RARB: variants seen among roughly 807,000 people sequenced by gnomAD.
RARB encodes the protein retinoic acid receptor beta, also known as HBV-activated protein.
Under a neutral mutation model 51.9 loss-of-function variants are expected in RARB, and 17 were observed. The observed-to-expected ratio is 0.33, with a 90% CI of 0.22 to 0.49. The LOEUF is 0.49. Ranked by LOEUF, RARB falls within the 20% of genes least tolerant of loss-of-function variation. The pLI, the probability that RARB is intolerant of heterozygous loss-of-function variation, is 0.99. For synonymous variants in RARB, 215 were observed against 195.4 expected, an observed-to-expected ratio of 1.10 and a Z score of -0.84; for missense variants, 369 against 550.8, an observed-to-expected ratio of 0.67 and a Z score of 3.30.
intron 5 of RARB, among the ~76,000 whole-genome samples, chr3:25,267,441 C>G (rs527578564): frequency 6.6e-6 from 1 of 152,286 alleles, no homozygotes; most frequent in South Asian, 2.1e-4. Flanking sequence ...TATTCCTTAT[C>G]CAGATGTCCT....
At chr3:25,431,033 C>T (rs1708186684) in intron 1 of RARB, among the ~76,000 whole-genome samples, 1 of 143,104 alleles carries the variant, frequency 7.0e-6, no homozygotes, top group Non-Finnish European at 1.5e-5. Context: ...ATGTCTTGTG[C>T]CATGCAGTGT....
At chr3:24,884,638 CTTA>C (rs756361008) in intron 2 of RARB, among the ~76,000 whole-genome samples, 30 of 152,062 alleles carry the variant, frequency 2.0e-4, no homozygotes, top group African/African-American at 6.0e-4. Context: ...TAGGATTTTT[CTTA>C]TTATTTCTAG....
At chr3:24,922,783 A>T (rs1172176957) in intron 2 of RARB, among the ~76,000 whole-genome samples, 1 of 152,178 alleles carries the variant, frequency 6.6e-6, no homozygotes, top group South Asian at 2.1e-4. Flanking sequence ...CTAAGTGTCC[A>T]TTGCTACAGC....
intron 5 of RARB, among the ~76,000 whole-genome samples, chr3:25,360,702 C>G (rs1234298185): frequency 2.0e-5 from 3 of 152,168 alleles, no homozygotes; most frequent in African/African-American, 7.2e-5. Context: ...ATTTGCTTGA[C>G]TGTAAATTTC....
chr3:24,983,165 C>T (rs1043165666), intron 2 of RARB, among the ~76,000 whole-genome samples: 22 of 152,136 alleles, frequency 1.4e-4, no homozygotes, highest in African/African-American at 5.3e-4. Context: ...TTGTAGCTGT[C>T]ACACTCCTGG....
intron 5 of RARB, among the ~76,000 whole-genome samples, chr3:25,386,617 G>A (rs1706801746): frequency 6.6e-6 from 1 of 152,090 alleles, no homozygotes; most frequent in African/African-American, 2.4e-5. Flanking sequence ...CTTCAGAGTC[G>A]GTGCAATATT....
At chr3:25,057,531 G>C (rs895480159) in intron 2 of RARB, among the ~76,000 whole-genome samples, 1 of 151,980 alleles carries the variant, frequency 6.6e-6, no homozygotes, top group Non-Finnish European at 1.5e-5. Context: ...CTCACTGACT[G>C]AACTTGCCAG....
chr3:24,990,981 G>A (rs889277396), intron 2 of RARB, among the ~76,000 whole-genome samples: 1 of 152,140 alleles, frequency 6.6e-6, no homozygotes, highest in Non-Finnish European at 1.5e-5. Flanking sequence ...TTGCTATTGT[G>A]AATGGAGTCA....
chr3:25,259,187 G>A (rs1192646575), intron 5 of RARB: 1 of 662,052 alleles, frequency 1.5e-6, no homozygotes, highest in East Asian at 1.4e-4. Flanking sequence ...CAAATCCACT[G>A]TGGAAGAGAC....
At chr3:25,056,632 G>C (rs752423013) in intron 2 of RARB, among the ~76,000 whole-genome samples, 1 of 151,988 alleles carries the variant, frequency 6.6e-6, no homozygotes, top group East Asian at 1.9e-4. Context: ...GAATTCTTTA[G>C]TATATACCCA....
intron 5 of RARB, among the ~76,000 whole-genome samples, chr3:25,329,343 G>A (rs1031462540): frequency 1.3e-5 from 2 of 152,020 alleles, no homozygotes; most frequent in African/African-American, 4.8e-5. Context: ...GGAAGGATAA[G>A]GCAGCAATAT....
At chr3:25,542,001 G>C (rs1699403593) in intron 3 of RARB, among the ~76,000 whole-genome samples, 1 of 152,120 alleles carries the variant, frequency 6.6e-6, no homozygotes, top group African/African-American at 2.4e-5. Flanking sequence ...GGATGTAAGA[G>C]AGAAAAGGAA....
intron 1 of RARB, among the ~76,000 whole-genome samples, chr3:24,847,603 T>C (rs1310501953): frequency 2.6e-5 from 4 of 152,174 alleles, no homozygotes; most frequent in Non-Finnish European, 5.9e-5. Context: ...TGGGATAAAA[T>C]AGGGTGACCA....
chr3:25,377,415 G>A (rs975854855), intron 5 of RARB, among the ~76,000 whole-genome samples: 1 of 152,158 alleles, frequency 6.6e-6, no homozygotes, highest in Admixed American at 6.5e-5. Flanking sequence ...TAATGCAATG[G>A]CAGCATTCTT....
intron 3 of RARB, among the ~76,000 whole-genome samples, chr3:25,081,899 C>T (rs62228549): frequency 0.16 from 24,184 of 151,428 alleles, 3,153 homozygotes; most frequent in African/African-American, 0.36. Context: ...TCCCAAAGTG[C>T]TGGGATTACA....
At chr3:25,260,364 C>G (rs1575265965) in intron 5 of RARB, among the ~76,000 whole-genome samples, 1 of 152,002 alleles carries the variant, frequency 6.6e-6, no homozygotes, top group Non-Finnish European at 1.5e-5. Flanking sequence ...GAGAACTGTC[C>G]CAGATTGTGT....
chr3:25,518,103 T>G (rs1251851961), intron 3 of RARB, among the ~76,000 whole-genome samples: 1 of 152,190 alleles, frequency 6.6e-6, no homozygotes, highest in East Asian at 1.9e-4. Flanking sequence ...AATAACACAT[T>G]TTAAAAGGGC....
intron 3 of RARB, among the ~76,000 whole-genome samples, chr3:25,526,208 C>A (rs186349953): frequency 6.6e-6 from 1 of 152,228 alleles, no homozygotes; most frequent in Non-Finnish European, 1.5e-5. Context: ...AATAAGTCTT[C>A]TGGGAACCCA....
chr3:25,211,157 T>C (rs1466598409), intron 5 of RARB, among the ~76,000 whole-genome samples: 1 of 152,170 alleles, frequency 6.6e-6, no homozygotes, highest in African/African-American at 2.4e-5. Flanking sequence ...ATGTTGAAAA[T>C]ATGGTCTTGT....
Sources: allele counts gnomAD v4.1 joint callset (sites outside exome capture counted in the v4.1 genomes callset), GRCh38; gene constraint gnomAD v4.1.1; transcripts MANE v1.5; gene names NCBI Gene and HGNC (gene_info 2026-07-23, HGNC 2026-07-21).